Variants in FOXK2 observed in about 807,000 individuals in gnomAD.
The protein encoded by FOXK2 is forkhead box protein K2.
Under a neutral mutation model 53.3 loss-of-function variants are expected in FOXK2, and 24 were observed. That is an observed-to-expected ratio of 0.45 (90% CI 0.33 to 0.63). The LOEUF is 0.63. Among genes scored for constraint, FOXK2 ranks in the 30% least tolerant of loss-of-function variants. The pLI, the probability that FOXK2 is intolerant of heterozygous loss-of-function variation, is 0.03. For missense variants in FOXK2, 952 were observed against 910.5 expected (o/e 1.05, Z -0.59); for synonymous variants, 505 against 407.1 (o/e 1.24, Z -2.89).
intron 1 of FOXK2, among the ~76,000 whole-genome samples, chr17:82,524,087 C>G (rs1411950262): frequency 6.6e-6 from 1 of 152,046 alleles, no homozygotes; most frequent in Non-Finnish European, 1.5e-5. Flanking sequence ...CAGAGTTTCA[C>G]CATGTTGGCC....
At chr17:82,562,300 G>T (rs996853052) in intron 1 of FOXK2, among the ~76,000 whole-genome samples, 7 of 152,180 alleles carry the variant, frequency 4.6e-5, no homozygotes, top group Non-Finnish European at 8.8e-5. Context: ...AGAAAAGGAG[G>T]CTGGGCGCCA....
chr17:82,567,639 T>C (rs1299177337), intron 2 of FOXK2, among the ~76,000 whole-genome samples: 1 of 152,160 alleles, frequency 6.6e-6, no homozygotes, highest in South Asian at 2.1e-4. Flanking sequence ...ACCCCGACTT[T>C]CCCTGTCTTT....
chr17:82,595,386 T>G (rs1309975960), intron 8 of FOXK2, among the ~76,000 whole-genome samples: 1 of 152,172 alleles, frequency 6.6e-6, no homozygotes, highest in Non-Finnish European at 1.5e-5. Context: ...AGTGCAGCCT[T>G]GAACTCGTGG....
intron 8 of FOXK2, among the ~76,000 whole-genome samples, chr17:82,592,742 G>T (rs1295171387): frequency 6.6e-6 from 1 of 152,244 alleles, no homozygotes; most frequent in African/African-American, 2.4e-5. Context: ...GGGGTTCTCT[G>T]CATCTCAGCT....
In FOXK2 at chr17:82,586,002, A is replaced by C. The variant is rs1598230232; in HGVS notation, c.1378A>C (p.Thr460Pro). 1 of 1,612,522 alleles carries C rather than the reference A, an allele frequency of 6.2e-7. No homozygotes were observed. The highest frequency in any genetic ancestry group is 8.5e-7 in the Non-Finnish European group (1 of 1,179,902). The change falls in exon 7 of 9, where the codon ACC becomes CCC. Residue 460 changes from threonine to proline, a missense_variant. Physicochemically the swap from Thr to Pro is conservative, Grantham distance 38. Coordinates refer to ENST00000335255, the MANE Select transcript of FOXK2 (RefSeq NM_004514.4). The stretch of plus-strand genomic sequence containing the variant: ...CTACACTGTGGCCACCCCAGTGACC[A>C]CCTCGACCTCCCAGCCACCCGTCGT... ...VTYTVATPVT[T>P]STSQPPVVQT...
chr17:82,525,107 C>T (rs2044403895), intron 1 of FOXK2, among the ~76,000 whole-genome samples: 1 of 151,926 alleles, frequency 6.6e-6, no homozygotes, highest in South Asian at 2.1e-4. Flanking sequence ...TCCCGAGTAG[C>T]TGGGATTACA....
chr17:82,542,329 T>G (rs1452348056), intron 1 of FOXK2, among the ~76,000 whole-genome samples: 1 of 151,982 alleles, frequency 6.6e-6, no homozygotes, highest in Non-Finnish European at 1.5e-5. Context: ...GCCCAGCTAA[T>G]TCTTTTTGTA....
intron 1 of FOXK2, among the ~76,000 whole-genome samples, chr17:82,553,730 C>A (rs964150994): frequency 6.6e-6 from 1 of 152,180 alleles, no homozygotes; most frequent in South Asian, 2.1e-4. Flanking sequence ...CGGCTAAGCT[C>A]CAGGGACACA....
intron 8 of FOXK2, chr17:82,596,302 A>G (rs2045309898): frequency 1.4e-6 from 1 of 737,972 alleles, no homozygotes; most frequent in Non-Finnish European, 1.7e-6. Flanking sequence ...CCTTGCCCAG[A>G]TTCTTGGTGG....
rs1225116065 is a variant in FOXK2, at chr17:82,603,425, C to CTGAT, written c.*1931_*1934dup. On this transcript the variant is annotated 3_prime_UTR_variant, in exon 9 of 9. Transcript: ENST00000335255. ...TGTTGGTCACAGCTGATGGGGTTCT[C>CTGAT]TGATTGATAGGAGACGAGCTCTTGA... 1 of 152,246 alleles carries CTGAT rather than the reference C, an allele frequency of 6.6e-6. No homozygotes were observed. Among genetic ancestry groups the CTGAT allele is most frequent in the African/African-American group, 2.4e-5 (1 of 41,464 alleles). 9.4% of individuals were successfully genotyped at this position (152,246 alleles called of 1,614,324 possible).
At chr17:82,563,290 G>A in intron 1 of FOXK2, 64 bp from the exon 2 acceptor site, 2 of 1,501,558 alleles carry the variant, frequency 1.3e-6, no homozygotes, top group Non-Finnish European at 1.8e-6. Context: ...GGGGACATGT[G>A]GGGACTCTGC....
intron 6 of FOXK2, among the ~76,000 whole-genome samples, chr17:82,585,589 T>C (rs3794718): frequency 0.33 from 49,861 of 152,124 alleles, 9,026 homozygotes; most frequent in African/African-American, 0.49. Context: ...CGTGAGCCAC[T>C]GCGCCCGGCC....
At chr17:82,581,585 C>T (rs2045060854) in intron 4 of FOXK2, among the ~76,000 whole-genome samples, 2 of 151,856 alleles carry the variant, frequency 1.3e-5, no homozygotes, top group African/African-American at 4.8e-5. Context: ...ACACCATTCT[C>T]CCGCCTCAGC....
chr17:82,542,510 G>A (rs566745732), intron 1 of FOXK2, among the ~76,000 whole-genome samples: 5 of 152,112 alleles, frequency 3.3e-5, no homozygotes, highest in African/African-American at 1.2e-4. Flanking sequence ...GGGTGTCACT[G>A]TCCTGCTCAG....
In FOXK2 at chr17:82,585,841, T is replaced by G. The variant is rs982733928; in HGVS notation, c.1280-63T>G. 3.3e-5 allele frequency: 51 copies of G among 1,533,542 alleles called. No homozygotes were observed. In the African/African-American group the frequency reaches 3.9e-4, roughly 12 times the overall value. The allele number at this position is 1,533,542 out of a possible 1,614,324, so 95.0% of individuals were successfully genotyped here. A position where few individuals can be genotyped will look rare whatever the true frequency, so the allele number is the denominator to read the frequency against. ...GTATGTTGCTTGTCAGTGCTGAGTGTGAGAACCTTTGTTTGTAGAAGTCAG... is the reference window on the plus strand; with the variant it reads ...GTATGTTGCTTGTCAGTGCTGAGTGGGAGAACCTTTGTTTGTAGAAGTCAG... On this transcript the variant is annotated intron_variant, in intron 6 of 8. Transcript: ENST00000335255.
chr17:82,546,660 G>A (rs533618601), intron 1 of FOXK2, among the ~76,000 whole-genome samples: 1 of 151,276 alleles, frequency 6.6e-6, no homozygotes, highest in Non-Finnish European at 1.5e-5. Context: ...GGTGACGGGG[G>A]TCTCACCATG....
rs141721905 is a variant in FOXK2, at chr17:82,598,001, A to G, written c.1787-3302A>G. On this transcript the variant is annotated intron_variant, in intron 8 of 8. Coordinates refer to ENST00000335255, the MANE Select transcript of FOXK2 (RefSeq NM_004514.4). ...CTCACTACTGTTCTCTAATTGACAC[A>G]GAATAATTGTGCAAGTGTATGGGGT... Among the ~76,000 whole-genome samples the G allele has an allele frequency of 4.7e-3, 723 of 152,320 alleles. 9 individuals are homozygous for G. The highest frequency in any genetic ancestry group is 5.2e-3 in the Non-Finnish European group (353 of 68,020).
chr17:82,579,816 C>T (rs1380117071), intron 4 of FOXK2, among the ~76,000 whole-genome samples: 1 of 104,088 alleles, frequency 9.6e-6, no homozygotes, highest in African/African-American at 4.0e-5. Context: ...CTCCATGTCA[C>T]CCATGAAGTA....
intron 1 of FOXK2, among the ~76,000 whole-genome samples, chr17:82,524,201 T>C (rs2044395409): frequency 6.6e-6 from 1 of 152,234 alleles, no homozygotes; most frequent in Non-Finnish European, 1.5e-5. Flanking sequence ...AAGGCTGAAA[T>C]ATTATTAATG....
Sources: allele counts gnomAD v4.1 joint callset (sites outside exome capture counted in the v4.1 genomes callset), GRCh38; gene constraint gnomAD v4.1.1; transcripts MANE v1.5; gene names NCBI Gene and HGNC (gene_info 2026-07-23, HGNC 2026-07-21).